Variants in AKR1E2 observed in about 807,000 individuals in gnomAD.
AKR1E2 encodes the protein 1,5-anhydro-D-fructose reductase.
In AKR1E2, 43 loss-of-function variants were observed where a neutral mutation model predicts 41.9. That is an observed-to-expected ratio of 1.03 (90% CI 0.80 to 1.32). The LOEUF (loss-of-function observed/expected upper bound fraction) is 1.32. AKR1E2 is among the 40% of genes most tolerant of loss of function. The probability of loss-of-function intolerance (pLI) is 0.00; values close to 1 mark genes in which losing one functional copy is unlikely to be tolerated. For missense variants in AKR1E2, 423 were observed against 396.5 expected, an observed-to-expected ratio of 1.07 and a Z score of -0.57; for synonymous variants, 121 against 138.9, an observed-to-expected ratio of 0.87 and a Z score of 0.91.
the AKR1E2 span, among the ~76,000 whole-genome samples, chr10:4,862,143 A>C: frequency 6.6e-6 from 1 of 152,184 alleles, no homozygotes; most frequent in Non-Finnish European, 1.5e-5. Context: ...TCAGCTTTCT[A>C]CATATGGCTA....
At chr10:4,837,255 G>A (rs1203501986) in intron 4 of AKR1E2, among the ~76,000 whole-genome samples, 1 of 152,244 alleles carries the variant, frequency 6.6e-6, no homozygotes, top group African/African-American at 2.4e-5. Context: ...GTGAGGCCAT[G>A]CAACTTGCCC....
chr10:4,842,233 TCTC>T (rs1189032466), intron 7 of AKR1E2, among the ~76,000 whole-genome samples, 185 bp from the exon 8 acceptor site: 2 of 152,206 alleles, frequency 1.3e-5, no homozygotes, highest in African/African-American at 2.4e-5. Flanking sequence ...GATTCTCTGA[TCTC>T]CTCCTTGGGC....
rs1255328436 is a variant in AKR1E2, at chr10:4,837,546, A to G, written c.547A>G (p.Lys183Glu). 3 of 1,613,964 alleles carry G rather than the reference A, an allele frequency of 1.9e-6. No individual in the cohort carries two copies. The highest frequency in any genetic ancestry group is 2.5e-6 in the Non-Finnish European group (3 of 1,179,994). The change falls in exon 5 of 10, where the codon AAG becomes GAG. Residue 183 changes from lysine to glutamate, a missense_variant. Coordinates refer to ENST00000298375, the MANE Select transcript of AKR1E2 (RefSeq NM_001040177.3). ...TGAACAGCTTGAGAGGCTTTTGAAT[A>G]AGCCTGGGTTGAGGTTCAAGCCACT... is the stretch of plus-strand genomic sequence containing the variant. ...NHEQLERLLN[K>E]PGLRFKPLTN...
At chr10:4,835,555 A>C in intron 3 of AKR1E2, 120 bp from the exon 4 acceptor site, 1 of 1,279,496 alleles carries the variant, frequency 7.8e-7, no homozygotes, top group South Asian at 1.6e-5. Context: ...GCCTGGTCAC[A>C]TGGCCAGGCT....
Position 4,833,364 on chromosome 10 carries a change from C to T in AKR1E2, c.222C>T (p.Cys74=). 1 of 1,614,094 alleles carries T rather than the reference C, an allele frequency of 6.2e-7. No homozygotes were observed. The part of the protein sequence containing the change: ...LFIATKLWCT[C]HKKSLVETAC... ...CTCCTTTGTAGCTGTGGTGCACCTG[C>T]CATAAGAAGTCCTTGGTGGAAACAG... The change falls in exon 3 of 10, where the codon TGC becomes TGT. Residue 74 remains cysteine (C), a synonymous_variant. Coordinates refer to ENST00000298375, the MANE Select transcript of AKR1E2 (RefSeq NM_001040177.3).
At chr10:4,863,177 G>T in the AKR1E2 span, among the ~76,000 whole-genome samples, 1 of 152,120 alleles carries the variant, frequency 6.6e-6, no homozygotes, top group Non-Finnish European at 1.5e-5. Context: ...GCACCACACC[G>T]CACTTATTCC....
upstream of AKR1E2, among the ~76,000 whole-genome samples, chr10:4,825,941 G>A (rs570705926): frequency 6.0e-4 from 92 of 152,326 alleles, no homozygotes; most frequent in Non-Finnish European, 1.1e-3. Context: ...GGGCGTGAGC[G>A]GCAATGCCAG....
chr10:4,847,820 A>C lies in AKR1E2; in HGVS notation c.*290A>C. On this transcript the variant is annotated 3_prime_UTR_variant, in exon 10 of 10. Transcript: ENST00000298375. Reference sequence around the variant, plus strand: ...TCACATTTTAAGAAAACTTTATCTTATGGAGTTATTTAAGCCATCTACAGA... The same window carrying C: ...TCACATTTTAAGAAAACTTTATCTTCTGGAGTTATTTAAGCCATCTACAGA... 2.3e-6 allele frequency: 1 copy of C among 430,392 alleles called. No homozygotes were observed. The highest frequency in any genetic ancestry group is 4.1e-6 in the Non-Finnish European group (1 of 242,766). The allele number at this position is 430,392 out of a possible 1,614,324, so 26.7% of individuals were successfully genotyped here.
chr10:4,867,879 C>T, the AKR1E2 span, among the ~76,000 whole-genome samples: 3 of 152,106 alleles, frequency 2.0e-5, no homozygotes, highest in Admixed American at 6.5e-5. Context: ...ATCTTTGTAA[C>T]GAAAACCTTG....
rs1429936600 is a variant in AKR1E2 at position 4,847,911 on chromosome 10, G to C, written c.*381G>C. 3 of 188,620 alleles carry C rather than the reference G, an allele frequency of 1.6e-5. No individual in the cohort carries two copies. The highest frequency in any genetic ancestry group is 2.4e-5 in the African/African-American group (1 of 42,532). The allele number at this position is 188,620 out of a possible 1,614,324, so 11.7% of individuals were successfully genotyped here. ...GCTCCACCCATTGTGCCCCAGGCCA[G>C]CCCGCGTCACCTACACTTCCTTCTG... On this transcript the variant is annotated 3_prime_UTR_variant, in exon 10 of 10. Transcript: ENST00000298375.
At chr10:4,854,560 C>T in the AKR1E2 span, among the ~76,000 whole-genome samples, 4 of 152,218 alleles carry the variant, frequency 2.6e-5, no homozygotes, top group African/African-American at 7.2e-5. Flanking sequence ...CCCCCCGCCC[C>T]GACCCAGAGG....
At chr10:4,826,627 G>GGGCTGC in intron 1 of AKR1E2, among the ~76,000 whole-genome samples, 1 of 152,258 alleles carries the variant, frequency 6.6e-6, no homozygotes, top group South Asian at 2.1e-4. Context: ...TCAGACTCTG[G>GGGCTGC]GGCTGCGGCC....
chr10:4,852,428 G>A (rs576581789), downstream of AKR1E2, among the ~76,000 whole-genome samples: 6 of 152,204 alleles, frequency 3.9e-5, no homozygotes, highest in East Asian at 3.9e-4. Flanking sequence ...ACAAATGCTG[G>A]GCAACAACAG....
the AKR1E2 span, among the ~76,000 whole-genome samples, chr10:4,864,339 A>T: frequency 6.6e-6 from 1 of 152,224 alleles, no homozygotes; most frequent in African/African-American, 2.4e-5. Flanking sequence ...CCAGCATATA[A>T]ACAGAATCGA....
chr10:4,859,447 G>A, the AKR1E2 span, among the ~76,000 whole-genome samples: 1 of 152,206 alleles, frequency 6.6e-6, no homozygotes, highest in African/African-American at 2.4e-5. Flanking sequence ...TATTTGATAT[G>A]TGAGAGAAAG....
the AKR1E2 span, among the ~76,000 whole-genome samples, chr10:4,858,320 G>A: frequency 6.6e-6 from 1 of 152,000 alleles, no homozygotes; most frequent in African/African-American, 2.4e-5. Flanking sequence ...GGAAAGTTGG[G>A]TACTGTTTTT....
intron 5 of AKR1E2, 53 bp downstream of exon 5, chr10:4,837,634 T>C (rs1021931905): frequency 4.2e-5 from 66 of 1,587,184 alleles, no homozygotes; most frequent in Admixed American, 2.9e-4. Context: ...GTCCCCCAGC[T>C]GCCACCTCCA....
In AKR1E2 at chr10:4,835,713, T is replaced by G. The variant is rs1833357825; in HGVS notation, c.363T>G (p.Leu121=). 6.2e-7 allele frequency: 1 copy of G among 1,614,134 alleles called. No homozygotes were observed. Among genetic ancestry groups the G allele is most frequent in the Non-Finnish European group, 8.5e-7 (1 of 1,180,022 alleles). The change falls in exon 4 of 10, where the codon CTT becomes CTG. Residue 121 remains leucine, a synonymous_variant. Coordinates refer to ENST00000298375, the MANE Select transcript of AKR1E2 (RefSeq NM_001040177.3). ...HPEWIMSCSE[L]SFCLSHPRVQ... is the part of the protein sequence containing the mutation. ...AATGGATCATGAGCTGCAGTGAACT[T>G]TCCTTCTGCCTCTCACATCCTCGAG...
chr10:4,844,287 C>T (rs1157785748), intron 8 of AKR1E2, among the ~76,000 whole-genome samples: 7 of 151,974 alleles, frequency 4.6e-5, no homozygotes, highest in South Asian at 2.1e-4. Flanking sequence ...TCGTTCCTCC[C>T]GGTGGGTTCG....
Sources: gnomAD v4.1 joint callset for allele counts (sites outside exome capture counted in the v4.1 genomes callset) on GRCh38, gnomAD v4.1.1 for gene constraint, MANE v1.5 for transcripts, NCBI Gene and HGNC (gene_info 2026-07-23, HGNC 2026-07-21) for gene names.